The following DYNC2I1 variants were observed in gnomAD, a reference collection of about 807,000 sequenced individuals.
DYNC2I1 encodes cytoplasmic dynein 2 intermediate chain 1.
In DYNC2I1, 89 loss-of-function variants were observed where a neutral mutation model predicts 133.4. The observed-to-expected ratio is 0.67, with a 90% CI of 0.56 to 0.80. The LOEUF is 0.80. Ranked by LOEUF, DYNC2I1 falls within the 30% of genes least tolerant of loss-of-function variation. DYNC2I1 has a pLI of 0.00. For synonymous variants in DYNC2I1, 504 were observed against 484.3 expected (o/e 1.04, Z -0.54); for missense variants, 1,291 against 1,314.5 (o/e 0.98, Z 0.28).
At chr7:158,911,467 C>G (rs1469332002) in intron 11 of DYNC2I1, 83 bp from the exon 12 acceptor site, 1 of 1,458,916 alleles carries the variant, frequency 6.9e-7, no homozygotes. Context: ...GCATTTAACT[C>G]TAAGTTTACT....
At chr7:158,909,732 C>T (rs914495728) in intron 11 of DYNC2I1, among the ~76,000 whole-genome samples, 2 of 152,294 alleles carry the variant, frequency 1.3e-5, no homozygotes, top group African/African-American at 4.8e-5. Context: ...TCCCTGTTTC[C>T]ATTCAGGTTT....
At chr7:158,883,857 A>G (rs28569369) in intron 5 of DYNC2I1, among the ~76,000 whole-genome samples, 32,645 of 145,364 alleles carry the variant, frequency 0.22, 3,701 homozygotes, top group Middle Eastern at 0.28. Context: ...GTAGAGACGG[A>G]GTTTCACCGT....
the DYNC2I1 span, among the ~76,000 whole-genome samples, chr7:158,839,854 C>T: frequency 2.1e-4 from 32 of 152,066 alleles, no homozygotes; most frequent in Admixed American, 8.5e-4. Flanking sequence ...CGCTCTATCA[C>T]CCAGGCTGGA....
At chr7:158,917,050 C>T (rs62476508) in intron 14 of DYNC2I1, among the ~76,000 whole-genome samples, 418 of 59,330 alleles carry the variant, frequency 7.0e-3, no homozygotes, top group Admixed American at 0.016. Context: ...TGTGAAACGT[C>T]GACACGCTGG....
chr7:158,909,951 G>A (rs541012823), intron 11 of DYNC2I1, among the ~76,000 whole-genome samples: 1 of 152,168 alleles, frequency 6.6e-6, no homozygotes, highest in Non-Finnish European at 1.5e-5. Flanking sequence ...GTGAGGTGAA[G>A]GATCGGGGGA....
intron 2 of DYNC2I1, among the ~76,000 whole-genome samples, chr7:158,870,218 G>C (rs551771675): frequency 2.0e-5 from 3 of 152,328 alleles, no homozygotes; most frequent in African/African-American, 7.2e-5. Flanking sequence ...TTGAGAGAGA[G>C]TCCTGAGAGT....
downstream of DYNC2I1, among the ~76,000 whole-genome samples, chr7:158,949,811 G>C (rs1261228236): frequency 6.8e-6 from 1 of 148,142 alleles, no homozygotes; most frequent in East Asian, 2.0e-4. Flanking sequence ...CGCTCTCCTT[G>C]TCTAGGCTGG....
At chr7:158,899,439 AGAAAAG>A (rs1216391453) in intron 8 of DYNC2I1, among the ~76,000 whole-genome samples, 1 of 152,348 alleles carries the variant, frequency 6.6e-6, no homozygotes, top group African/African-American at 2.4e-5. Context: ...ATTAAGGAAA[AGAAAAG>A]GAAGAGTTAT....
At chr7:158,921,871 G>T (rs919590682) in intron 15 of DYNC2I1, among the ~76,000 whole-genome samples, 1 of 152,196 alleles carries the variant, frequency 6.6e-6, no homozygotes, top group Non-Finnish European at 1.5e-5. Context: ...CTGCCGGCAC[G>T]GCCAGCAGTG....
At chr7:158,940,140 G>A (rs997576323) in intron 23 of DYNC2I1, among the ~76,000 whole-genome samples, 1 of 152,146 alleles carries the variant, frequency 6.6e-6, no homozygotes, top group African/African-American at 2.4e-5. Flanking sequence ...CTAGACCAGT[G>A]GTCCCCAACC....
intron 5 of DYNC2I1, among the ~76,000 whole-genome samples, chr7:158,884,343 C>T (rs1844384478): frequency 6.6e-6 from 1 of 152,246 alleles, no homozygotes; most frequent in African/African-American, 2.4e-5. Flanking sequence ...CCGTGCCCAG[C>T]ATAATCACCC....
intron 8 of DYNC2I1, among the ~76,000 whole-genome samples, chr7:158,899,266 T>C (rs187886823): frequency 6.6e-6 from 1 of 152,314 alleles, no homozygotes. Context: ...TTTTGGTCTG[T>C]GGTTGGTTGA....
intron 7 of DYNC2I1, among the ~76,000 whole-genome samples, chr7:158,887,788 C>T (rs1844753766): frequency 6.6e-6 from 1 of 152,180 alleles, no homozygotes; most frequent in Non-Finnish European, 1.5e-5. Context: ...CAATCATCAT[C>T]CCTCTCCTTG....
chr7:158,879,822 G>A lies in DYNC2I1; in HGVS notation c.712G>A (p.Glu238Lys), dbSNP rs1436938359. 6.2e-7 allele frequency: 1 copy of A among 1,612,976 alleles called. No individual in the cohort carries two copies. Residue 238 changes from glutamate to lysine, a missense_variant, in exon 5 of 25, where the codon GAG becomes AAG. By Grantham distance (56) the Glu-to-Lys change is moderately conservative. Transcript: ENST00000407559. ...AAAAAGCAGCACAAGGGAAAAAAGAGAGAAATATTCCAAAGAGAAAAGTAA... is the reference window on the plus strand; with the variant it reads ...AAAAAGCAGCACAAGGGAAAAAAGAAAGAAATATTCCAAAGAGAAAAGTAA... ...REKSSTREKREKYSKEKSNSF... is the reference protein window; with the variant it reads ...REKSSTREKRKKYSKEKSNSF...
chr7:158,873,299 G>A (rs536828092), intron 3 of DYNC2I1, among the ~76,000 whole-genome samples: 1 of 152,308 alleles, frequency 6.6e-6, no homozygotes, highest in Admixed American at 6.5e-5. Context: ...AGAAGAACAG[G>A]TAGTCACTCT....
chr7:158,908,200 T>A (rs1410593889), intron 11 of DYNC2I1, among the ~76,000 whole-genome samples: 2 of 152,198 alleles, frequency 1.3e-5, no homozygotes, highest in East Asian at 3.9e-4. Flanking sequence ...TAGATATACA[T>A]TTAGTAAATC....
chr7:158,952,091 A>C (rs556407876), intron 4 of DYNC2I1, among the ~76,000 whole-genome samples: 3 of 152,270 alleles, frequency 2.0e-5, no homozygotes, highest in South Asian at 4.1e-4. Context: ...CGCGGTGGAA[A>C]TCCACGTGGG....
intron 14 of DYNC2I1, among the ~76,000 whole-genome samples, chr7:158,916,716 T>C (rs1275351323): frequency 1.6e-4 from 10 of 63,544 alleles, no homozygotes; most frequent in African/African-American, 5.6e-4. Flanking sequence ...GTCTGCACGC[T>C]GGTTGACATT....
Position 158,902,110 on chromosome 7 carries a change from G to A in DYNC2I1, c.1138-266G>A, listed in dbSNP as rs78366697. The stretch of plus-strand genomic sequence containing the variant: ...AAATACATACACTTTCACATTCTCA[G>A]CACAAATGTTTGCACGTGATGATAG... On this transcript the variant is annotated intron_variant, in intron 9 of 24. Coordinates refer to ENST00000407559, the MANE Select transcript of DYNC2I1 (RefSeq NM_018051.5). Among the ~76,000 whole-genome samples, 936 of 152,252 alleles carry A rather than the reference G, an allele frequency of 6.1e-3. 59 individuals are homozygous for A. In the East Asian group the frequency reaches 0.13, roughly 21 times the overall value.
Sources: gnomAD v4.1 joint callset for allele counts (sites outside exome capture counted in the v4.1 genomes callset) on GRCh38, gnomAD v4.1.1 for gene constraint, MANE v1.5 for transcripts, NCBI Gene and HGNC (gene_info 2026-07-23, HGNC 2026-07-21) for gene names.